The following PPP1R9A variants were observed in gnomAD, a reference collection of about 807,000 sequenced individuals.
PPP1R9A encodes neurabin-1.
A neutral mutation model predicts 141.9 loss-of-function variants in PPP1R9A; 59 were observed. The observed-to-expected ratio is 0.42, with a 90% CI of 0.34 to 0.52. The LOEUF (loss-of-function observed/expected upper bound fraction) is 0.52. PPP1R9A is among the 20% of genes least tolerant of loss of function. PPP1R9A has a pLI of 0.10. For synonymous variants in PPP1R9A, 500 were observed against 569.7 expected, an observed-to-expected ratio of 0.88 and a Z score of 1.74; for missense variants, 1,444 against 1,611.9, an observed-to-expected ratio of 0.90 and a Z score of 1.78.
At chr7:94,998,348 T>C (rs1435408141) in intron 2 of PPP1R9A, among the ~76,000 whole-genome samples, 1 of 152,156 alleles carries the variant, frequency 6.6e-6, no homozygotes, top group Non-Finnish European at 1.5e-5. Context: ...TATTTACCCC[T>C]CTCATTTTAC....
intron 2 of PPP1R9A, among the ~76,000 whole-genome samples, chr7:95,030,089 T>A (rs1242348461): frequency 1.3e-5 from 2 of 152,192 alleles, no homozygotes; most frequent in Non-Finnish European, 2.9e-5. Flanking sequence ...GTTAGAATTT[T>A]AAGTTTCTCT....
chr7:95,022,937 T>C (rs1806209266), intron 2 of PPP1R9A, among the ~76,000 whole-genome samples: 1 of 152,164 alleles, frequency 6.6e-6, no homozygotes, highest in Non-Finnish European at 1.5e-5. Context: ...GGCCTGAAAT[T>C]TTCTTTTTTG....
chr7:95,061,049 C>T (rs1371414044), intron 2 of PPP1R9A, among the ~76,000 whole-genome samples: 1 of 152,148 alleles, frequency 6.6e-6, no homozygotes, highest in Non-Finnish European at 1.5e-5. Context: ...ATAAATAGAA[C>T]ATTACCTCTG....
intron 4 of PPP1R9A, among the ~76,000 whole-genome samples, chr7:95,126,458 T>C (rs2152505905): frequency 6.6e-6 from 1 of 152,292 alleles, no homozygotes; most frequent in East Asian, 1.9e-4. Flanking sequence ...CTTTTGTTTA[T>C]GGTAAGCACA....
intron 8 of PPP1R9A, among the ~76,000 whole-genome samples, chr7:95,229,513 G>A (rs1008291672): frequency 2.6e-5 from 4 of 151,868 alleles, no homozygotes; most frequent in Non-Finnish European, 5.9e-5. Context: ...CCACTTCCCT[G>A]GTGGCGTATA....
chr7:95,214,122 T>G (rs969247619), intron 7 of PPP1R9A: 2 of 152,178 alleles, frequency 1.3e-5, no homozygotes, highest in Non-Finnish European at 2.9e-5. Flanking sequence ...CCTCTTCAAT[T>G]TGCTGCATTA....
intron 2 of PPP1R9A, among the ~76,000 whole-genome samples, chr7:95,004,684 ATGGATATGAC>A (rs1803365776): frequency 6.6e-6 from 1 of 152,204 alleles, no homozygotes; most frequent in African/African-American, 2.4e-5. Flanking sequence ...CAATAATAGA[ATGGATATGAC>A]TGGATATGAC....
intron 2 of PPP1R9A, among the ~76,000 whole-genome samples, chr7:94,955,392 G>A (rs779599727): frequency 6.6e-6 from 1 of 151,960 alleles, no homozygotes; most frequent in Non-Finnish European, 1.5e-5. Context: ...CTGTTCTTGC[G>A]ACATGGATAA....
At chr7:95,017,417 T>C (rs544028684) in intron 2 of PPP1R9A, among the ~76,000 whole-genome samples, 3 of 152,294 alleles carry the variant, frequency 2.0e-5, no homozygotes, top group South Asian at 4.1e-4. Flanking sequence ...AAGGTTAATA[T>C]ACTAAAATTG....
At chr7:95,035,985 A>G (rs1247880975) in intron 2 of PPP1R9A, 1 of 152,202 alleles carries the variant, frequency 6.6e-6, no homozygotes. Flanking sequence ...GAAGACCAGG[A>G]TGGAATAAAA....
At chr7:94,995,883 T>C (rs1156906016) in intron 2 of PPP1R9A, among the ~76,000 whole-genome samples, 1 of 152,202 alleles carries the variant, frequency 6.6e-6, no homozygotes, top group African/African-American at 2.4e-5. Context: ...TATTGAGTAC[T>C]AGATATTTTT....
chr7:95,232,547 C>A (rs1486922196), intron 8 of PPP1R9A, among the ~76,000 whole-genome samples: 1 of 152,140 alleles, frequency 6.6e-6, no homozygotes, highest in Non-Finnish European at 1.5e-5. Context: ...TAAAGAGCTT[C>A]TGCATAGCAA....
chr7:95,155,675 A>T (rs1829496710), intron 4 of PPP1R9A: 1 of 152,228 alleles, frequency 6.6e-6, no homozygotes, highest in South Asian at 2.1e-4. Flanking sequence ...TTTTGTAAAT[A>T]TAAAAAGAAA....
intron 2 of PPP1R9A, among the ~76,000 whole-genome samples, chr7:94,949,271 A>T (rs1017858272): frequency 1.3e-5 from 2 of 152,090 alleles, no homozygotes; most frequent in Admixed American, 6.6e-5. Context: ...CAAAACTCTC[A>T]TATGCCTTTT....
intron 4 of PPP1R9A, among the ~76,000 whole-genome samples, chr7:95,154,344 C>T (rs1354821238): frequency 6.6e-6 from 1 of 151,842 alleles, no homozygotes; most frequent in Non-Finnish European, 1.5e-5. Context: ...TCTCTTGTTA[C>T]TGGTTTTTAG....
rs183796319 is a variant in PPP1R9A, at chr7:95,186,699, C to T, written c.1755-11650C>T. 1.9e-3 allele frequency among the ~76,000 whole-genome samples: 285 copies of T among 152,106 alleles called. No individual in the cohort carries two copies. The Middle Eastern group carries it at 0.02, about 11-fold the overall frequency. ...ACCTTAAGGTATGGCTCTTTTATGC[C>T]AATTTTGCTGAGGGTTTTAATTGTA... On this transcript the variant is annotated intron_variant, in intron 5 of 19. Coordinates refer to ENST00000433360, the MANE Select transcript of PPP1R9A (RefSeq NM_001166160.2).
At chr7:95,137,890 T>A (rs964358654) in intron 4 of PPP1R9A, among the ~76,000 whole-genome samples, 1 of 151,772 alleles carries the variant, frequency 6.6e-6, no homozygotes, top group Non-Finnish European at 1.5e-5. Context: ...AGAAAAAAAG[T>A]CAGGAATAGA....
chr7:95,251,331 T>G (rs1290820686), intron 10 of PPP1R9A, among the ~76,000 whole-genome samples: 1 of 152,172 alleles, frequency 6.6e-6, no homozygotes, highest in Non-Finnish European at 1.5e-5. Context: ...AGCCCCCTCT[T>G]CACTGTTATT....
chr7:95,284,120 C>T lies in PPP1R9A; in HGVS notation c.3399C>T (p.Ser1133=). 2 of 1,590,670 alleles carry T rather than the reference C, an allele frequency of 1.3e-6. No individual in the cohort carries two copies. The change falls in exon 17 of 20, where the codon AGC becomes AGT. Residue 1133 remains serine, a synonymous_variant. Coordinates refer to ENST00000433360, the MANE Select transcript of PPP1R9A (RefSeq NM_001166160.2). The part of the protein sequence containing the change: ...PCMPFSWFND[S]RKGSYSFRNL... ...TGCCTTTCTCATGGTTTAATGACAG[C>T]CGGAAAGGATCCTATTCCTTCAGGA...
Sources: gnomAD v4.1 joint callset for allele counts (sites outside exome capture counted in the v4.1 genomes callset) on GRCh38, gnomAD v4.1.1 for gene constraint, MANE v1.5 for transcripts, NCBI Gene and HGNC (gene_info 2026-07-23, HGNC 2026-07-21) for gene names.